ZNF385D: variants seen among roughly 807,000 people sequenced by gnomAD.
The protein encoded by ZNF385D is zinc finger protein 659.
ZNF385D carries 15 observed loss-of-function variants against 35.8 expected under a neutral mutation model. The ratio of observed to expected loss-of-function variants is 0.42; its 90% CI spans 0.28 to 0.64. The LOEUF (loss-of-function observed/expected upper bound fraction) is 0.64, where lower values mean the gene tolerates loss of function less well. ZNF385D is among the 30% of genes least tolerant of loss of function. ZNF385D has a pLI of 0.23. For synonymous variants in ZNF385D, 212 were observed against 186.8 expected, an observed-to-expected ratio of 1.13 and a Z score of -1.10; for missense variants, 474 against 494.6, an observed-to-expected ratio of 0.96 and a Z score of 0.39.
chr3:22,154,105 G>C (rs1341393073), intron 3 of ZNF385D, among the ~76,000 whole-genome samples: 1 of 152,024 alleles, frequency 6.6e-6, no homozygotes, highest in African/African-American at 2.4e-5. Context: ...ATCATCTCTG[G>C]CCTCCTAATT....
At chr3:21,641,933 G>A (rs1005460821) in intron 2 of ZNF385D, among the ~76,000 whole-genome samples, 4 of 152,076 alleles carry the variant, frequency 2.6e-5, no homozygotes, top group East Asian at 1.9e-4. Context: ...CAGCAGCTGC[G>A]CCAATAGAAA....
In ZNF385D at chr3:21,558,111, ATT is replaced by A. The variant is rs57100355; in HGVS notation, c.276+6461_276+6462del. Among the ~76,000 whole-genome samples, 1,087 of 126,100 alleles carry A rather than the reference ATT, an allele frequency of 8.6e-3. 6 individuals are homozygous for A. Among genetic ancestry groups the A allele is most frequent in the African/African-American group, 0.026 (870 of 33,302 alleles). The allele number at this position is 126,100 out of a possible 152,430, so 82.7% of individuals were successfully genotyped here. A position where few individuals can be genotyped will look rare whatever the true frequency, so the allele number is the denominator to read the frequency against. ...AAAAAATCAGCTCCTGGATTCATTGATTTTTTTTTTTTTTTTTGAAGGGTTTT... is the reference window on the plus strand; with the variant it reads ...AAAAAATCAGCTCCTGGATTCATTGATTTTTTTTTTTTTTTGAAGGGTTTT... On this transcript the variant is annotated intron_variant, in intron 3 of 7. Coordinates refer to ENST00000281523, the MANE Select transcript of ZNF385D (RefSeq NM_024697.3).
At chr3:21,833,424 G>A (rs1695127590) in intron 3 of ZNF385D, among the ~76,000 whole-genome samples, 1 of 152,160 alleles carries the variant, frequency 6.6e-6, no homozygotes, top group Middle Eastern at 3.2e-3. Flanking sequence ...AAGAGAGGTG[G>A]GAAGGCTGAA....
rs748766965 is a variant in ZNF385D at position 21,834,259 on chromosome 3, G to A, written c.326-169231C>T. 5.3e-5 allele frequency among the ~76,000 whole-genome samples: 8 copies of A among 152,208 alleles called. No individual in the cohort carries two copies. In the South Asian group the frequency reaches 1.7e-3, roughly 32 times the overall value. On this transcript the variant is annotated intron_variant, in intron 3 of 5. Coordinates refer to the ZNF385D transcript ENST00000494108. ...ACCCACCCAGTCCACGAGACTCAGAGCTGACCTCAGGTCCTCACATGCAGC... is the reference window on the plus strand; with the variant it reads ...ACCCACCCAGTCCACGAGACTCAGAACTGACCTCAGGTCCTCACATGCAGC...
chr3:21,625,700 C>T (rs1375239208), intron 2 of ZNF385D, among the ~76,000 whole-genome samples: 2 of 152,056 alleles, frequency 1.3e-5, no homozygotes, highest in Non-Finnish European at 2.9e-5. Flanking sequence ...TATTCCTGTG[C>T]TGTTCAAGAT....
At chr3:22,245,651 G>T (rs1436889484) in intron 2 of ZNF385D, among the ~76,000 whole-genome samples, 2 of 151,638 alleles carry the variant, frequency 1.3e-5, no homozygotes, top group African/African-American at 4.8e-5. Context: ...ACAATAGACG[G>T]GTGTGTGCTG....
intron 3 of ZNF385D, chr3:21,849,565 G>T (rs1254296593): frequency 6.9e-6 from 1 of 144,488 alleles, no homozygotes; most frequent in African/African-American, 2.5e-5. Context: ...ACCACAAATA[G>T]AATTTGGTTA....
intron 3 of ZNF385D, among the ~76,000 whole-genome samples, chr3:22,084,360 C>T (rs1275593994): frequency 6.6e-6 from 1 of 152,072 alleles, no homozygotes; most frequent in Non-Finnish European, 1.5e-5. Context: ...CACATACACA[C>T]TCAAAATAAA....
chr3:22,138,363 G>A (rs1280594089), intron 3 of ZNF385D, among the ~76,000 whole-genome samples: 3 of 152,024 alleles, frequency 2.0e-5, no homozygotes, highest in East Asian at 3.9e-4. Flanking sequence ...TGCCAAGTGA[G>A]TCCTAAGCCA....
chr3:22,041,583 A>C (rs914988448), intron 3 of ZNF385D, among the ~76,000 whole-genome samples: 5 of 152,174 alleles, frequency 3.3e-5, no homozygotes, highest in African/African-American at 1.2e-4. Context: ...ATGCCATTAA[A>C]CTCAGTATAA....
At chr3:22,169,434 G>A (rs1342788292) in intron 2 of ZNF385D, among the ~76,000 whole-genome samples, 1 of 152,094 alleles carries the variant, frequency 6.6e-6, no homozygotes, top group Non-Finnish European at 1.5e-5. Context: ...TAAATCCAAA[G>A]TTTTTAATCA....
At chr3:21,798,409 A>G (rs1575668384) in intron 3 of ZNF385D, among the ~76,000 whole-genome samples, 1 of 152,112 alleles carries the variant, frequency 6.6e-6, no homozygotes, top group Admixed American at 6.6e-5. Context: ...TTGTATCTCT[A>G]GACGCGGGAC....
At chr3:22,162,942 C>T (rs1706062805) in intron 3 of ZNF385D, among the ~76,000 whole-genome samples, 1 of 152,114 alleles carries the variant, frequency 6.6e-6, no homozygotes, top group Admixed American at 6.6e-5. Flanking sequence ...GGCTGGAGAT[C>T]TATACCTGTG....
chr3:21,530,640 C>G (rs1262668190), intron 3 of ZNF385D, among the ~76,000 whole-genome samples: 1 of 152,054 alleles, frequency 6.6e-6, no homozygotes, highest in Non-Finnish European at 1.5e-5. Flanking sequence ...TTAAAAGAGA[C>G]CCTCAGCATG....
intron 2 of ZNF385D, among the ~76,000 whole-genome samples, chr3:21,636,407 TATATATAG>T (rs2065448748): frequency 8.5e-5 from 4 of 47,288 alleles, no homozygotes; most frequent in Admixed American, 2.8e-4. Flanking sequence ...TATATATATA[TATATATAG>T]AGTTTCTTAA....
chr3:22,364,188 G>A (rs578136758), intron 2 of ZNF385D, among the ~76,000 whole-genome samples: 2 of 151,838 alleles, frequency 1.3e-5, no homozygotes, highest in Non-Finnish European at 1.5e-5. Flanking sequence ...TTAAACAAAG[G>A]TTTAGAATAA....
chr3:22,214,474 G>A lies in ZNF385D; in HGVS notation c.107-45439C>T, dbSNP rs149683735. ...GAGATAACCTTAAACTCTGACCGCC[G>A]CTGAGCCAGGCGGAACAGAGCCATA... is the stretch of plus-strand genomic sequence containing the variant. On this transcript the variant is annotated intron_variant, in intron 2 of 5. Transcript: ENST00000494108. 6.7e-3 allele frequency among the ~76,000 whole-genome samples: 1,019 copies of A among 152,180 alleles called. 16 individuals are homozygous for A. Among genetic ancestry groups the A allele is most frequent in the African/African-American group, 0.023 (957 of 41,544 alleles).
At chr3:21,958,731 T>C (rs966196757) in intron 3 of ZNF385D, 1 of 151,606 alleles carries the variant, frequency 6.6e-6, no homozygotes. Context: ...AAAATTCAAA[T>C]AAATATTAAG....
intron 2 of ZNF385D, among the ~76,000 whole-genome samples, chr3:22,307,287 A>G (rs1184110404): frequency 6.6e-6 from 1 of 152,158 alleles, no homozygotes; most frequent in Non-Finnish European, 1.5e-5. Context: ...GTCTGCAATG[A>G]TAGATTAGAG....
Sources: gnomAD v4.1 joint callset for allele counts (sites outside exome capture counted in the v4.1 genomes callset) on GRCh38, gnomAD v4.1.1 for gene constraint, MANE v1.5 for transcripts, NCBI Gene and HGNC (gene_info 2026-07-23, HGNC 2026-07-21) for gene names.